Variants in ANKRD30B observed in about 807,000 individuals in gnomAD.
ANKRD30B encodes the protein ankyrin repeat domain-containing protein 30B.
Under a neutral mutation model 202.2 loss-of-function variants are expected in ANKRD30B, and 144 were observed. The observed-to-expected ratio is 0.71, with a 90% CI of 0.62 to 0.82. ANKRD30B has a LOEUF of 0.82. Ranked by LOEUF, ANKRD30B falls within the 40% of genes least tolerant of loss-of-function variation. The probability of loss-of-function intolerance (pLI) is 0.00; values close to 1 mark genes in which losing one functional copy is unlikely to be tolerated. For missense variants in ANKRD30B, 1,487 were observed against 1,669.1 expected (o/e 0.89, Z 1.90); for synonymous variants, 508 against 561.3 (o/e 0.91, Z 1.34).
chr18:14,875,451 G>T, the ANKRD30B span, among the ~76,000 whole-genome samples: 1 of 152,118 alleles, frequency 6.6e-6, no homozygotes, highest in Non-Finnish European at 1.5e-5. Flanking sequence ...CTTTCCCATA[G>T]GAAGGTTATG....
chr18:14,763,789 C>T lies in ANKRD30B; in HGVS notation c.924C>T (p.Arg308=), dbSNP rs943252368. The change falls in exon 7 of 44, where the codon CGC becomes CGT. Residue 308 remains arginine (R), a synonymous_variant. Coordinates refer to ENST00000690538, the MANE Select transcript of ANKRD30B (RefSeq NM_001367607.2). ...AAAAAACACCTGACGAGGCTGCACG[C>T]TTGGTGGAGGGAACGTCTGCCAAAA... ...LLEKTPDEAA[R]LVEGTSAKIQ... 1 of 1,613,856 alleles carries T rather than the reference C, an allele frequency of 6.2e-7. No homozygotes were observed. Among genetic ancestry groups the T allele is most frequent in the Non-Finnish European group, 8.5e-7 (1 of 1,179,984 alleles).
At chr18:14,901,735 A>G in the ANKRD30B span, among the ~76,000 whole-genome samples, 1 of 152,194 alleles carries the variant, frequency 6.6e-6, no homozygotes, top group Non-Finnish European at 1.5e-5. Context: ...AACTTCAATA[A>G]GAATTTGCTC....
At chr18:14,806,303 G>T (rs1279548099) in intron 24 of ANKRD30B, among the ~76,000 whole-genome samples, 2 of 150,532 alleles carry the variant, frequency 1.3e-5, no homozygotes, top group Admixed American at 6.6e-5. Context: ...TGACTAAAAA[G>T]CATCATAATA....
In ANKRD30B at chr18:14,752,959, T is replaced by C; in HGVS notation, c.457T>C (p.Leu153=). The part of the protein sequence containing the change: ...LHYAVYSENL[L]MVATLLSYGA... ...TTATGCCGTTTATAGTGAGAATTTG[T>C]TAATGGTGGCAACACTGCTGTCCTA... is the stretch of plus-strand genomic sequence containing the variant. The change falls in exon 3 of 44, where the codon TTA becomes CTA. Residue 153 remains leucine, a synonymous_variant. Transcript: ENST00000690538. 1 of 1,603,408 alleles carries C rather than the reference T, an allele frequency of 6.2e-7. No homozygotes were observed. The highest frequency in any genetic ancestry group is 1.1e-5 in the South Asian group (1 of 89,716).
At chr18:14,867,017 C>T in the ANKRD30B span, among the ~76,000 whole-genome samples, 7 of 111,370 alleles carry the variant, frequency 6.3e-5, no homozygotes, top group South Asian at 3.5e-4. Flanking sequence ...TTGCATTGTC[C>T]GTGGGGGAAA....
At chr18:14,884,652 C>A in the ANKRD30B span, among the ~76,000 whole-genome samples, 1 of 151,656 alleles carries the variant, frequency 6.6e-6, no homozygotes, top group Non-Finnish European at 1.5e-5. Flanking sequence ...CACATGAAAA[C>A]CAGGAAGTAA....
At chr18:14,876,721 G>T in the ANKRD30B span, among the ~76,000 whole-genome samples, 1 of 152,174 alleles carries the variant, frequency 6.6e-6, no homozygotes, top group Non-Finnish European at 1.5e-5. Flanking sequence ...GGTATATTTT[G>T]CATTCCTGAA....
rs1347105326 is a variant in ANKRD30B, at chr18:14,778,083, C to G, written c.1420+8C>G. ...TAAATCACAAAATAGAAGGTAAGAA[C>G]CATTTTTTATTTAAAACATCTTTTG... On this transcript the variant is annotated splice_region_variant and intron_variant, in intron 10 of 43. Coordinates refer to ENST00000690538, the MANE Select transcript of ANKRD30B (RefSeq NM_001367607.2). The G allele has an allele frequency of 2.6e-6, 4 of 1,511,608 alleles. No individual in the cohort carries two copies. Among genetic ancestry groups the G allele is most frequent in the Non-Finnish European group, 3.6e-6 (4 of 1,113,558 alleles). 93.6% of individuals were successfully genotyped at this position (1,511,608 alleles called of 1,614,324 possible).
At chr18:14,748,686 T>G in intron 1 of ANKRD30B, 46 bp downstream of exon 1, 1 of 1,476,622 alleles carries the variant, frequency 6.8e-7, no homozygotes. Context: ...AGGAGGCGGC[T>G]GTGGGAGGAT....
chr18:14,776,182 G>A (rs2143824784), intron 9 of ANKRD30B, among the ~76,000 whole-genome samples: 1 of 152,282 alleles, frequency 6.6e-6, no homozygotes, highest in East Asian at 1.9e-4. Context: ...CTTTCCTGAT[G>A]AGATTTTCAA....
At chr18:14,934,340 C>G in the ANKRD30B span, among the ~76,000 whole-genome samples, 2 of 152,194 alleles carry the variant, frequency 1.3e-5, no homozygotes, top group Non-Finnish European at 2.9e-5. Flanking sequence ...GAGTTCGATT[C>G]CTCTCCTTTC....
At chr18:14,815,972 C>G (rs1970078930) in intron 30 of ANKRD30B, among the ~76,000 whole-genome samples, 1 of 152,136 alleles carries the variant, frequency 6.6e-6, no homozygotes, top group African/African-American at 2.4e-5. Flanking sequence ...TATATCCAAG[C>G]TGATCAATTC....
intron 15 of ANKRD30B, among the ~76,000 whole-genome samples, chr18:14,791,088 A>G (rs1338659495): frequency 6.6e-6 from 1 of 152,180 alleles, no homozygotes; most frequent in African/African-American, 2.4e-5. Flanking sequence ...TCGTCTATTC[A>G]GAGATTCAAC....
At chr18:14,763,501 G>A (rs1376308509) in intron 6 of ANKRD30B, among the ~76,000 whole-genome samples, 185 bp from the exon 7 acceptor site, 1 of 152,106 alleles carries the variant, frequency 6.6e-6, no homozygotes, top group Non-Finnish European at 1.5e-5. Flanking sequence ...ATTGAGCTGA[G>A]ATCATGCCAC....
rs1476366884 is a variant in ANKRD30B, at chr18:14,851,996, C to A, written c.4052C>A (p.Pro1351Gln). ...TATAACAATGAGGTGCTCCATCAAC[C>A]ACTTTATGAAGCTCAAAGGAAATCC... ...TIYNNEVLHQ[P>Q]LYEAQRKSKS... The change falls in exon 42 of 44, where the codon CCA becomes CAA. Residue 1351 changes from proline (P) to glutamine (Q), a missense_variant. Physicochemically the swap from Pro to Gln is moderately conservative, Grantham distance 76. This residue lies in a region of ANKRD30B where 182 missense variants were observed against 216.0 expected (regional missense o/e 0.84). Coordinates refer to ENST00000690538, the MANE Select transcript of ANKRD30B (RefSeq NM_001367607.2). 3 of 1,596,008 alleles carry A rather than the reference C, an allele frequency of 1.9e-6. No individual in the cohort carries two copies. The highest frequency in any genetic ancestry group is 1.1e-5 in the South Asian group (1 of 88,722).
At chr18:14,937,816 C>CA in the ANKRD30B span, among the ~76,000 whole-genome samples, 1 of 152,138 alleles carries the variant, frequency 6.6e-6, no homozygotes, top group Non-Finnish European at 1.5e-5. Flanking sequence ...CTTGGTTCAA[C>CA]ACTTCAAGAA....
At position 14,787,088 on chromosome 18, in the gene ANKRD30B, T is replaced by G. The variant is rs1417418368; in HGVS notation, c.1722T>G (p.Ser574=). 6.8e-6 allele frequency: 11 copies of G among 1,609,492 alleles called. No individual in the cohort carries two copies. The highest frequency in any genetic ancestry group is 9.3e-6 in the Non-Finnish European group (11 of 1,177,210). Residue 574 remains serine, a synonymous_variant, in exon 15 of 44, where the codon TCT becomes TCG. Transcript: ENST00000690538. The stretch of plus-strand genomic sequence containing the variant: ...AACAAAAGGACGATGAAGAAAATTC[T>G]TGGGATTCTGAGGTACTATGTGTTA... The part of the protein sequence containing the change: ...ESKQKDDEEN[S]WDSESPCETV...
chr18:14,833,847 C>T lies in ANKRD30B; in HGVS notation c.2847+2392C>T, dbSNP rs543562467. Among the ~76,000 whole-genome samples the T allele has an allele frequency of 6.6e-5, 10 of 152,122 alleles. No individual in the cohort carries two copies. The South Asian group carries it at 8.3e-4, about 13-fold the overall frequency. On this transcript the variant is annotated intron_variant, in intron 34 of 43. Coordinates refer to ENST00000690538, the MANE Select transcript of ANKRD30B (RefSeq NM_001367607.2). ...CATCATGGCTCTTGTTTGTTTCTTC[C>T]GCCTCCTTCACCTTTTAAAAAATGA...
At chr18:14,849,942 A>G (rs539858281) in intron 40 of ANKRD30B, among the ~76,000 whole-genome samples, 1 of 151,714 alleles carries the variant, frequency 6.6e-6, no homozygotes, top group Non-Finnish European at 1.5e-5. Flanking sequence ...TTTACTAGAT[A>G]GCTTCCAATA....
Sources: allele counts gnomAD v4.1 joint callset (sites outside exome capture counted in the v4.1 genomes callset), GRCh38; gene constraint gnomAD v4.1.1; regional missense constraint gnomAD v4.1.1; transcripts MANE v1.5; gene names NCBI Gene and HGNC (gene_info 2026-07-23, HGNC 2026-07-21).